The following PTPRD variants were observed in gnomAD, a reference collection of about 807,000 sequenced individuals.
PTPRD encodes protein tyrosine phosphatase receptor type D.
Under a neutral mutation model 214.5 loss-of-function variants are expected in PTPRD, and 34 were observed. That is an observed-to-expected ratio of 0.16 (90% CI 0.12 to 0.21). PTPRD has a LOEUF of 0.21. Among genes scored for constraint, PTPRD ranks in the 10% least tolerant of loss-of-function variants. The pLI, the probability that PTPRD is intolerant of heterozygous loss-of-function variation, is 1.00. For synonymous variants in PTPRD, 1,128 were observed against 845.7 expected (o/e 1.33, Z -5.79); for missense variants, 2,545 against 2,398.7 (o/e 1.06, Z -1.27).
chr9:9,111,800 A>G (rs2099806476), intron 10 of PTPRD, among the ~76,000 whole-genome samples: 1 of 152,166 alleles, frequency 6.6e-6, no homozygotes, highest in Non-Finnish European at 1.5e-5. Context: ...AAAACTCAAG[A>G]AAATATATCT....
chr9:10,274,379 A>G (rs998809948), intron 3 of PTPRD, among the ~76,000 whole-genome samples: 2 of 152,184 alleles, frequency 1.3e-5, no homozygotes, highest in East Asian at 3.8e-4. Flanking sequence ...TGCTATGACA[A>G]CAGGAGGCTG....
intron 3 of PTPRD, among the ~76,000 whole-genome samples, chr9:10,097,928 G>A (rs552213105): frequency 7.9e-5 from 12 of 151,800 alleles, no homozygotes; most frequent in East Asian, 3.9e-4. Context: ...TGTGGAAGTC[G>A]GTGTAGCGAT....
chr9:9,750,187 G>A (rs2098503027), intron 6 of PTPRD, among the ~76,000 whole-genome samples: 1 of 152,004 alleles, frequency 6.6e-6, no homozygotes, highest in African/African-American at 2.4e-5. Flanking sequence ...TGCAATCAAA[G>A]GTGATGATTA....
At chr9:9,403,132 A>G (rs922502882) in intron 8 of PTPRD, among the ~76,000 whole-genome samples, 1 of 151,264 alleles carries the variant, frequency 6.6e-6, no homozygotes, top group Non-Finnish European at 1.5e-5. Context: ...TCTACTAAAA[A>G]TACAAAAAAT....
chr9:8,523,971 C>A (rs996427253), intron 18 of PTPRD, among the ~76,000 whole-genome samples: 1 of 152,124 alleles, frequency 6.6e-6, no homozygotes, highest in Non-Finnish European at 1.5e-5. Context: ...GGGAACCCAT[C>A]CTATTGTAAC....
intron 5 of PTPRD, among the ~76,000 whole-genome samples, chr9:9,832,812 G>A (rs1335798996): frequency 6.6e-6 from 1 of 151,816 alleles, no homozygotes; most frequent in Non-Finnish European, 1.5e-5. Flanking sequence ...CATGCTGACT[G>A]TAGCAGAGCA....
At position 8,865,851 on chromosome 9, in the gene PTPRD, C is replaced by G. The variant is rs182334319; in HGVS notation, c.-103-131905G>C. 5.6e-3 allele frequency among the ~76,000 whole-genome samples: 856 copies of G among 152,198 alleles called. 4 individuals carry two copies. The highest frequency in any genetic ancestry group is 0.01 in the Non-Finnish European group (697 of 68,022). On this transcript the variant is annotated intron_variant, in intron 11 of 45. Transcript: ENST00000381196. Reference sequence around the variant, plus strand: ...CTAATCACAACACACACCAAAATGTCCCAGACAAAGAATAATAATAGAGTC... The same window carrying G: ...CTAATCACAACACACACCAAAATGTGCCAGACAAAGAATAATAATAGAGTC...
At chr9:9,287,832 A>C (rs1460445566) in intron 9 of PTPRD, among the ~76,000 whole-genome samples, 1 of 151,886 alleles carries the variant, frequency 6.6e-6, no homozygotes, top group African/African-American at 2.4e-5. Context: ...AAACTATAGG[A>C]AACAACCTTG....
chr9:8,777,906 C>T (rs1310786729), intron 11 of PTPRD, among the ~76,000 whole-genome samples: 1 of 152,122 alleles, frequency 6.6e-6, no homozygotes, highest in Non-Finnish European at 1.5e-5. Flanking sequence ...TGAAAAACAT[C>T]CTCTATACAA....
At chr9:9,809,660 G>C (rs1463956643) in intron 5 of PTPRD, among the ~76,000 whole-genome samples, 1 of 152,178 alleles carries the variant, frequency 6.6e-6, no homozygotes, top group Non-Finnish European at 1.5e-5. Context: ...GGAATTAGGA[G>C]TGAGAATGTA....
At chr9:9,245,312 A>G (rs1446639596) in intron 9 of PTPRD, among the ~76,000 whole-genome samples, 1 of 152,144 alleles carries the variant, frequency 6.6e-6, no homozygotes, top group African/African-American at 2.4e-5. Flanking sequence ...ATGAAGACAC[A>G]TGCACACGTA....
At chr9:8,638,306 T>C (rs1403853832) in intron 12 of PTPRD, among the ~76,000 whole-genome samples, 1 of 152,172 alleles carries the variant, frequency 6.6e-6, no homozygotes, top group African/African-American at 2.4e-5. Context: ...CTTCTCTGTA[T>C]TGATTTCATG....
At chr9:9,891,331 A>G (rs779019536) in intron 5 of PTPRD, among the ~76,000 whole-genome samples, 10 of 151,960 alleles carry the variant, frequency 6.6e-5, no homozygotes, top group Non-Finnish European at 1.5e-4. Context: ...TACCAAAGAG[A>G]TATTAAGTTT....
intron 7 of PTPRD, among the ~76,000 whole-genome samples, chr9:9,674,739 T>C (rs1219259786): frequency 6.6e-6 from 1 of 151,806 alleles, no homozygotes; most frequent in Non-Finnish European, 1.5e-5. Flanking sequence ...TATGATAAAA[T>C]ATTTGATTTA....
intron 8 of PTPRD, among the ~76,000 whole-genome samples, chr9:9,543,639 T>C (rs767843374): frequency 1.4e-4 from 21 of 151,560 alleles, no homozygotes; most frequent in Non-Finnish European, 2.2e-4. Flanking sequence ...TCAGAGCCCA[T>C]TTTATGTCAC....
At chr9:9,627,162 A>C (rs1461602916) in intron 7 of PTPRD, among the ~76,000 whole-genome samples, 7 of 152,134 alleles carry the variant, frequency 4.6e-5, no homozygotes, top group Non-Finnish European at 1.0e-4. Context: ...AAAAAATACA[A>C]AAATTAGCCA....
At chr9:8,428,663 C>A (rs1388110876) in intron 35 of PTPRD, among the ~76,000 whole-genome samples, 1 of 151,712 alleles carries the variant, frequency 6.6e-6, no homozygotes, top group Non-Finnish European at 1.5e-5. Context: ...TCGAAGTTGG[C>A]CAAAAAAAAT....
At chr9:9,140,693 C>T (rs894191459) in intron 10 of PTPRD, among the ~76,000 whole-genome samples, 1 of 152,230 alleles carries the variant, frequency 6.6e-6, no homozygotes, top group African/African-American at 2.4e-5. Flanking sequence ...ATTCTCCTGC[C>T]TCAGCCTCCT....
At chr9:8,556,755 G>T (rs1386163969) in intron 14 of PTPRD, among the ~76,000 whole-genome samples, 1 of 152,044 alleles carries the variant, frequency 6.6e-6, no homozygotes, top group African/African-American at 2.4e-5. Context: ...GGTAAAAAAA[G>T]TGTAAGAATC....
Sources: allele counts gnomAD v4.1 joint callset (sites outside exome capture counted in the v4.1 genomes callset), GRCh38; gene constraint gnomAD v4.1.1; transcripts MANE v1.5; gene names NCBI Gene and HGNC (gene_info 2026-07-23, HGNC 2026-07-21).